The following SH3BP5L variants were observed in gnomAD, a reference collection of about 807,000 sequenced individuals.
The protein encoded by SH3BP5L is SH3 domain-binding protein 5-like.
A neutral mutation model predicts 40.9 loss-of-function variants in SH3BP5L; 16 were observed. The observed-to-expected ratio is 0.39, with a 90% CI of 0.27 to 0.59. The LOEUF is 0.59. Among genes scored for constraint, SH3BP5L ranks in the 20% least tolerant of loss-of-function variants. SH3BP5L has a pLI of 0.53. For synonymous variants in SH3BP5L, 229 were observed against 226.7 expected (o/e 1.01, Z -0.09); for missense variants, 471 against 544.6 (o/e 0.86, Z 1.35).
chr1:248,822,638 A>C (rs1376318720), intron 2 of SH3BP5L, among the ~76,000 whole-genome samples: 1 of 151,550 alleles, frequency 6.6e-6, no homozygotes, highest in Non-Finnish European at 1.5e-5. Context: ...CTATTTATGC[A>C]CTGTCAGTAT....
intron 4 of SH3BP5L, 164 bp downstream of exon 4, chr1:248,816,369 TA>T: frequency 1.4e-6 from 1 of 727,608 alleles, no homozygotes; most frequent in Non-Finnish European, 2.2e-6. Context: ...GCCCACGTGG[TA>T]AAGGAACCTC....
chr1:248,812,359 G>A lies in SH3BP5L; in HGVS notation c.723C>T (p.Ala241=), dbSNP rs762337347. ...CCTGCTGCTCCAGTTCTGTCACCTT[G>A]GCCTTGTGCTCCTGCAGAGGGCAGA... ...QFSQILEEHK[A]KVTELEQQVA... is the part of the protein sequence containing the mutation. Residue 241 remains alanine, a synonymous_variant, in exon 7 of 7, where the codon GCC becomes GCT. Coordinates refer to ENST00000366472, the MANE Select transcript of SH3BP5L (RefSeq NM_030645.3). The surrounding 1 kb of genome is among the most constrained non-coding windows in gnomAD (Gnocchi z 6.1). 48 of 1,604,446 alleles carry A rather than the reference G, an allele frequency of 3.0e-5. No individual in the cohort carries two copies. The highest frequency in any genetic ancestry group is 4.1e-5 in the Non-Finnish European group (48 of 1,179,898).
Position 248,811,671 on chromosome 1 carries a change from A to G in SH3BP5L, c.*229T>C, listed in dbSNP as rs1663928875. The G allele has an allele frequency of 2.2e-6, 1 of 460,274 alleles. No individual in the cohort carries two copies. Among genetic ancestry groups the G allele is most frequent in the Non-Finnish European group, 3.8e-6 (1 of 260,458 alleles). 28.5% of individuals were successfully genotyped at this position (460,274 alleles called of 1,614,324 possible). A position where few individuals can be genotyped will look rare whatever the true frequency, so the allele number is the denominator to read the frequency against. ...AGAGGCAGACAGAGCGCCGAGGGCG[A>G]GCCTTCTGAATGGGTAAGGCAAAGA... On this transcript the variant is annotated 3_prime_UTR_variant, in exon 7 of 7. Coordinates refer to ENST00000366472, the MANE Select transcript of SH3BP5L (RefSeq NM_030645.3).
chr1:248,814,306 C>T (rs1664038192), intron 5 of SH3BP5L, 143 bp downstream of exon 5: 1 of 905,326 alleles, frequency 1.1e-6, no homozygotes, highest in African/African-American at 1.7e-5. Context: ...GAACAGAAAA[C>T]TAGGAACAGG....
In SH3BP5L at chr1:248,824,944, G is replaced by A. The variant is rs144971740; in HGVS notation, c.-9C>T. ...TGTCTGAGCTCAGCCATGCTGACAG[G>A]GGGAGGGCAGAGCCCTATGCACAAG... On this transcript the variant is annotated 5_prime_UTR_variant, in exon 2 of 7. Transcript: ENST00000366472. 2 of 1,610,440 alleles carry A rather than the reference G, an allele frequency of 1.2e-6. No individual in the cohort carries two copies. The highest frequency in any genetic ancestry group is 8.5e-7 in the Non-Finnish European group (1 of 1,178,640).
chr1:248,825,044 T>C lies in SH3BP5L; in HGVS notation c.-109A>G, dbSNP rs1664342750. ...TCTAGATGGCCAGGAGAAGAGTTTC[T>C]CTTCTCAAAAGGCAGAAAAGGTGGG... On this transcript the variant is annotated 5_prime_UTR_variant, in exon 2 of 7. Coordinates refer to ENST00000366472, the MANE Select transcript of SH3BP5L (RefSeq NM_030645.3). 1.4e-6 allele frequency: 2 copies of C among 1,466,034 alleles called. No homozygotes were observed. The highest frequency in any genetic ancestry group is 2.8e-5 in the South Asian group (2 of 70,918). The allele number at this position is 1,466,034 out of a possible 1,614,324, so 90.8% of individuals were successfully genotyped here.
At chr1:248,814,206 C>T in intron 5 of SH3BP5L, 1 of 557,722 alleles carries the variant, frequency 1.8e-6, no homozygotes, top group Non-Finnish European at 3.2e-6. Context: ...TGGGTTAGTC[C>T]CACACCTGGA....
chr1:248,812,308 G>A lies in SH3BP5L; in HGVS notation c.774C>T (p.Ser258=). Residue 258 remains serine (S), a synonymous_variant, in exon 7 of 7, where the codon TCC becomes TCT. Transcript: ENST00000366472. The surrounding 1 kb of genome is among the most constrained non-coding windows in gnomAD (Gnocchi z 6.1). ...TCTGCTCCAGGTTACGAAGGGCCAC[G>A]GAGTAGCGCGTCTTGGCCTGAGCTA... ...QQVAQAKTRY[S]VALRNLEQIS... 6.2e-7 allele frequency: 1 copy of A among 1,611,144 alleles called. No individual in the cohort carries two copies. Among genetic ancestry groups the A allele is most frequent in the Non-Finnish European group, 8.5e-7 (1 of 1,179,988 alleles).
chr1:248,816,975 C>T, intron 2 of SH3BP5L, 91 bp from the exon 3 acceptor site: 2 of 1,600,152 alleles, frequency 1.2e-6, no homozygotes, highest in South Asian at 1.1e-5. Context: ...AGAGAGAGAG[C>T]CCCACTTGCC....
chr1:248,812,476 G>T lies in SH3BP5L; in HGVS notation c.712-106C>A. ...CCTGCTCTCCCAGAATACCTGGACA[G>T]CTGGCTCAGCATCCACCACAGACCC... On this transcript the variant is annotated intron_variant, in intron 6 of 6. Coordinates refer to ENST00000366472, the MANE Select transcript of SH3BP5L (RefSeq NM_030645.3). This position sits in a 1 kb window ranked among gnomAD's most constrained non-coding sequence, Gnocchi z 6.1. 1 of 856,192 alleles carries T rather than the reference G, an allele frequency of 1.2e-6. No individual in the cohort carries two copies. The highest frequency in any genetic ancestry group is 1.8e-6 in the Non-Finnish European group (1 of 544,152). 53.0% of individuals were successfully genotyped at this position (856,192 alleles called of 1,614,324 possible).
chr1:248,814,497 G>A lies in SH3BP5L; in HGVS notation c.489C>T (p.Asn163=). Reference sequence around the variant, plus strand: ...TCTCCTGCCACGTGGGGTCCAGTCGGTTCTTGTCAGCCATGACGCCCTGCT... The same window carrying A: ...TCTCCTGCCACGTGGGGTCCAGTCGATTCTTGTCAGCCATGACGCCCTGCT... ...VAEQGVMADK[N]RLDPTWQEML... Residue 163 remains asparagine (N), a synonymous_variant, in exon 5 of 7, where the codon AAC becomes AAT. Transcript: ENST00000366472. 6.2e-7 allele frequency: 1 copy of A among 1,614,212 alleles called. No individual in the cohort carries two copies. Among genetic ancestry groups the A allele is most frequent in the Non-Finnish European group, 8.5e-7 (1 of 1,180,044 alleles).
rs1664345896 is a variant in SH3BP5L, at chr1:248,825,195, C to G, written c.-260G>C. 4.1e-6 allele frequency: 5 copies of G among 1,230,546 alleles called. No homozygotes were observed. The highest frequency in any genetic ancestry group is 5.1e-6 in the Non-Finnish European group (5 of 982,246). 76.2% of individuals were successfully genotyped at this position (1,230,546 alleles called of 1,614,324 possible). A position where few individuals can be genotyped will look rare whatever the true frequency, so the allele number is the denominator to read the frequency against. ...CCACAGGGAGTCCACTGTGACAAACCCGGAGCAACAGCTCCAAGGCAGGGG... is the reference window on the plus strand; with the variant it reads ...CCACAGGGAGTCCACTGTGACAAACGCGGAGCAACAGCTCCAAGGCAGGGG... On this transcript the variant is annotated 5_prime_UTR_variant, in exon 2 of 7. Transcript: ENST00000366472.
At chr1:248,817,106 A>G in intron 2 of SH3BP5L, 1 of 1,464,182 alleles carries the variant, frequency 6.8e-7, no homozygotes, top group Non-Finnish European at 9.2e-7. Flanking sequence ...TCTACCTTGT[A>G]TTGGGTAGTA....
chr1:248,817,778 G>C (rs1664146121), intron 2 of SH3BP5L, among the ~76,000 whole-genome samples: 1 of 152,064 alleles, frequency 6.6e-6, no homozygotes, highest in Non-Finnish European at 1.5e-5. Context: ...ACTTGAACCT[G>C]GGAGGCAGAG....
chr1:248,815,092 G>A (rs370557247), intron 4 of SH3BP5L, among the ~76,000 whole-genome samples: 4 of 152,122 alleles, frequency 2.6e-5, no homozygotes, highest in African/African-American at 7.2e-5. Flanking sequence ...ATAGGACATC[G>A]GTTAAATAAA....
At position 248,821,283 on chromosome 1, in the gene SH3BP5L, AC is replaced by A; in HGVS notation, c.183+3469del. The A allele has an allele frequency of 6.6e-6, 1 of 152,376 alleles. No individual in the cohort carries two copies. Among genetic ancestry groups the A allele is most frequent in the East Asian group, 1.9e-4 (1 of 5,196 alleles). The allele number at this position is 152,376 out of a possible 1,614,324, so 9.4% of individuals were successfully genotyped here. A position where few individuals can be genotyped will look rare whatever the true frequency, so the allele number is the denominator to read the frequency against. ...TCAGCTGAAACGGAATTTGGGGAGGACAAAGTCTGAATCAACGTGCATCATC... is the reference window on the plus strand; with the variant it reads ...TCAGCTGAAACGGAATTTGGGGAGGAAAAGTCTGAATCAACGTGCATCATC... On this transcript the variant is annotated intron_variant, in intron 2 of 6. Transcript: ENST00000366472. The surrounding 1 kb of genome is among the most constrained non-coding windows in gnomAD (Gnocchi z 4.6).
intron 5 of SH3BP5L, chr1:248,813,364 G>A (rs1664009774): frequency 4.4e-6 from 2 of 454,222 alleles, no homozygotes; most frequent in Non-Finnish European, 7.5e-6. Context: ...GTCTCTCTTG[G>A]ATCTGCTGCC....
chr1:248,817,025 T>C (rs1184071923), intron 2 of SH3BP5L, 141 bp from the exon 3 acceptor site: 5 of 1,550,104 alleles, frequency 3.2e-6, no homozygotes, highest in Middle Eastern at 1.7e-4. Flanking sequence ...GGAAAGAAGA[T>C]ACGGAGATTG....
rs747181039 is a variant in SH3BP5L at position 248,824,917 on chromosome 1, C to A, written c.19G>T (p.Val7Phe). Residue 7 changes from valine (V) to phenylalanine (F), a missense_variant, in exon 2 of 7, where the codon GTT becomes TTT. Val to Phe is a conservative substitution (Grantham distance 50). Around this residue, in one of 2 missense-constraint regions of SH3BP5L, gnomAD observed 275 missense variants for 370.1 expected, o/e 0.74. Coordinates refer to ENST00000366472, the MANE Select transcript of SH3BP5L (RefSeq NM_030645.3). Reference protein sequence around the residue: MAELRQVPGGRETPQGE... With the variant: MAELRQFPGGRETPQGE... ...TGTGGGGTCTCCCGCCCTCCTGGAA[C>A]CTGTCTGAGCTCAGCCATGCTGACA... The A allele has an allele frequency of 3.7e-6, 6 of 1,613,524 alleles. No homozygotes were observed. Among genetic ancestry groups the A allele is most frequent in the Non-Finnish European group, 4.2e-6 (5 of 1,179,726 alleles).
Sources: gnomAD v4.1 joint callset for allele counts (sites outside exome capture counted in the v4.1 genomes callset) on GRCh38, gnomAD v4.1.1 for gene constraint, gnomAD v4.1.1 regional missense constraint, Gnocchi (gnomAD v3.1) non-coding constraint, MANE v1.5 for transcripts, NCBI Gene and HGNC (gene_info 2026-07-23, HGNC 2026-07-21) for gene names.